The following DMD variants were observed in gnomAD, a reference collection of about 807,000 sequenced individuals.
The protein encoded by DMD is dystrophin.
DMD carries 63 observed loss-of-function variants against 330.1 expected under a neutral mutation model. That is an observed-to-expected ratio of 0.19 (90% confidence interval 0.16 to 0.24). The LOEUF is 0.24. DMD is among the 10% of genes least tolerant of loss of function. The pLI is 1.00. For synonymous variants in DMD, 1,223 were observed against 959.8 expected, an observed-to-expected ratio of 1.27 and a Z score of -5.07; for missense variants, 3,344 against 2,684.1, an observed-to-expected ratio of 1.25 and a Z score of -5.43.
intron 60 of DMD, among the ~76,000 whole-genome samples, chrX:31,407,258 G>C (rs1054438649): frequency 9.0e-6 from 1 of 110,832 alleles, no homozygotes; most frequent in South Asian, 3.8e-4. Flanking sequence ...TCTGCCTCCT[G>C]GGTTCAAGCA....
intron 43 of DMD, among the ~76,000 whole-genome samples, chrX:32,238,357 C>T (rs2097195400): frequency 9.1e-6 from 1 of 110,444 alleles, no homozygotes; most frequent in African/African-American, 3.3e-5. Flanking sequence ...ATTCTTGTGG[C>T]TCTTTGCAGG....
rs765062167 is a variant in DMD, at chrX:32,180,559, G to A, written c.6438+36357C>T. Among the ~76,000 whole-genome samples the A allele has an allele frequency of 1.3e-4, 14 of 111,443 alleles. No individual in the cohort carries two copies. The South Asian group carries it at 5.3e-3, about 42-fold the overall frequency. ...TTCCTGAAGAAGGAGCTCTGGATCC[G>A]TTCAAGCATCACTGTGACTTCTGAG... is the stretch of plus-strand genomic sequence containing the variant. On this transcript the variant is annotated intron_variant, in intron 44 of 78. Transcript: ENST00000357033.
intron 51 of DMD, among the ~76,000 whole-genome samples, chrX:31,730,330 T>C (rs759845884): frequency 1.8e-5 from 2 of 111,812 alleles, no homozygotes; most frequent in East Asian, 5.6e-4. Context: ...AATGAATATG[T>C]AGTGGAAAGG....
intron 11 of DMD, among the ~76,000 whole-genome samples, chrX:32,622,395 C>T (rs2058056788): frequency 8.9e-6 from 1 of 111,947 alleles, no homozygotes; most frequent in Non-Finnish European, 1.9e-5. Context: ...TTCCTTACTA[C>T]AGGCCTTGAC....
At chrX:32,246,843 A>G (rs2097240696) in intron 43 of DMD, among the ~76,000 whole-genome samples, 1 of 111,028 alleles carries the variant, frequency 9.0e-6, no homozygotes, top group Non-Finnish European at 1.9e-5. Flanking sequence ...CAAACCTGAA[A>G]TCATGGCTCA....
chrX:31,474,554 A>G (rs2067583967), intron 59 of DMD, among the ~76,000 whole-genome samples: 1 of 107,107 alleles, frequency 9.3e-6, no homozygotes, highest in Non-Finnish European at 1.9e-5. Context: ...AATACAAAAA[A>G]AAAAAAATAG....
At chrX:32,861,383 A>G (rs891745405) in intron 2 of DMD, among the ~76,000 whole-genome samples, 8 of 110,918 alleles carry the variant, frequency 7.2e-5, no homozygotes, top group African/African-American at 2.7e-4. Flanking sequence ...AAAATGCTCA[A>G]TAAAAACATT....
At chrX:32,620,895 C>A (rs1225643918) in intron 11 of DMD, among the ~76,000 whole-genome samples, 1 of 111,771 alleles carries the variant, frequency 8.9e-6, no homozygotes, top group Non-Finnish European at 1.9e-5. Context: ...AGTGTCCTCG[C>A]AGAACACACA....
At chrX:31,148,455 T>C (rs1448816469) in intron 74 of DMD, among the ~76,000 whole-genome samples, 2 of 112,400 alleles carry the variant, frequency 1.8e-5, no homozygotes, top group Non-Finnish European at 3.8e-5. Flanking sequence ...TTCCTGTCCA[T>C]GGACATTTAG....
Position 32,573,836 on chromosome X carries a change from T to C in DMD, c.1613A>G (p.Asp538Gly). The C allele has an allele frequency of 8.3e-7, 1 of 1,206,201 alleles. No homozygotes were observed. The highest frequency in any genetic ancestry group is 1.1e-6 in the Non-Finnish European group (1 of 890,809). Residue 538 changes from aspartate (D) to glycine (G), a missense_variant, in exon 14 of 79, where the codon GAT becomes GGT. By Grantham distance (94) the Asp-to-Gly change is moderately conservative (BLOSUM62 -1). Coordinates refer to ENST00000357033, the MANE Select transcript of DMD (RefSeq NM_004006.3). ...ALEEQLKVLGDRWANICRWTE... is the reference protein window; with the variant it reads ...ALEEQLKVLGGRWANICRWTE... ...CCATCTACAGATGTTTGCCCATCGA[T>C]CTCCCAATACCTGGAGAAGAGACAA...
At position 31,413,819 on chromosome X, in the gene DMD, C is replaced by T. The variant is rs2061748424; in HGVS notation, c.9084+30662G>A. 3.7e-5 allele frequency among the ~76,000 whole-genome samples: 4 copies of T among 108,056 alleles called. No individual in the cohort carries two copies. The South Asian group carries it at 1.6e-3, about 44-fold the overall frequency. 93.8% of individuals were successfully genotyped at this position (108,056 alleles called of 115,157 possible). ...GCACTGCTGAAATTCAGATACACTG[C>T]TGCAGCATAACACCACTTTAAAAAA... On this transcript the variant is annotated intron_variant, in intron 60 of 78. Coordinates refer to ENST00000357033, the MANE Select transcript of DMD (RefSeq NM_004006.3).
intron 53 of DMD, among the ~76,000 whole-genome samples, chrX:31,669,885 A>G (rs1209089498): frequency 9.2e-6 from 1 of 108,188 alleles, no homozygotes; most frequent in Non-Finnish European, 1.9e-5. Flanking sequence ...ATGATTCCAT[A>G]GAGTCTGTAG....
At chrX:33,128,252 A>G (rs72470538) in intron 1 of DMD, 342 of 1,145,265 alleles carry the variant, frequency 3.0e-4, no homozygotes, top group Admixed American at 1.6e-4. Context: ...TACACATTCT[A>G]TGGGGTATGG....
intron 63 of DMD, among the ~76,000 whole-genome samples, chrX:31,236,415 C>T (rs942967549): frequency 8.9e-6 from 1 of 112,600 alleles, no homozygotes; most frequent in Non-Finnish European, 1.9e-5. Flanking sequence ...CGTCCACCCC[C>T]GCAATCCTCC....
intron 2 of DMD, among the ~76,000 whole-genome samples, chrX:32,998,263 G>A (rs754048293): frequency 1.9e-5 from 2 of 106,628 alleles, no homozygotes; most frequent in South Asian, 8.6e-4. Context: ...AAGCTACCGG[G>A]GAGGCTGAGG....
rs200083093 is a variant in DMD, at chrX:32,214,224, T to TA, written c.6438+2691dup. 9.3e-4 allele frequency among the ~76,000 whole-genome samples: 83 copies of TA among 88,959 alleles called. 1 individual carries two copies. The highest frequency in any genetic ancestry group is 5.2e-3 in the Middle Eastern group (1 of 192). The allele number at this position is 88,959 out of a possible 115,157, so 77.3% of individuals were successfully genotyped here. ...TCCTGCCTGAAACACCTGAAACACT[T>TA]AAAAAAAAAAAAAAAAAAAAAAAGA... On this transcript the variant is annotated intron_variant, in intron 44 of 78. Transcript: ENST00000357033.
chrX:31,299,359 A>C (rs138302769), intron 62 of DMD, among the ~76,000 whole-genome samples: 17,162 of 111,336 alleles, frequency 0.15, 1,034 homozygotes, highest in Non-Finnish European at 0.18. Flanking sequence ...TTGAAGGTAA[A>C]AAAAAAGCAC....
chrX:31,817,590 C>CTT (rs1403929275), intron 50 of DMD, among the ~76,000 whole-genome samples: 1 of 110,557 alleles, frequency 9.0e-6, no homozygotes, highest in East Asian at 2.8e-4. Flanking sequence ...TCCCTTAATT[C>CTT]TTTTTTAGCT....
chrX:32,668,017 C>T (rs891319850), intron 9 of DMD, among the ~76,000 whole-genome samples: 8 of 109,872 alleles, frequency 7.3e-5, no homozygotes, highest in Admixed American at 5.8e-4. Context: ...GGCATGGTGG[C>T]AGGTGCCTGT....
Sources: allele counts gnomAD v4.1 joint callset (sites outside exome capture counted in the v4.1 genomes callset), GRCh38; gene constraint gnomAD v4.1.1; transcripts MANE v1.5; gene names NCBI Gene and HGNC (gene_info 2026-07-23, HGNC 2026-07-21).